Variants in RGS7BP observed in about 807,000 individuals in gnomAD.
RGS7BP encodes the protein regulator of G protein signaling 7 binding protein.
A neutral mutation model predicts 31.3 loss-of-function variants in RGS7BP; 9 were observed. The ratio of observed to expected loss-of-function variants is 0.29; its 90% CI spans 0.17 to 0.50. RGS7BP has a LOEUF of 0.50. Among genes scored for constraint, RGS7BP ranks in the 20% least tolerant of loss-of-function variants. RGS7BP has a pLI of 0.98. For missense variants in RGS7BP, 274 were observed against 322.0 expected, an observed-to-expected ratio of 0.85 and a Z score of 1.14; for synonymous variants, 115 against 120.1, an observed-to-expected ratio of 0.96 and a Z score of 0.28.
At chr5:64,556,878 G>A (rs1034797388) in intron 2 of RGS7BP, among the ~76,000 whole-genome samples, 4 of 151,860 alleles carry the variant, frequency 2.6e-5, no homozygotes, top group Non-Finnish European at 5.9e-5. Flanking sequence ...AGTGCTGAGA[G>A]AAGAAAGGCA....
chr5:64,605,300 G>C (rs1334498106), intron 5 of RGS7BP, among the ~76,000 whole-genome samples: 1 of 152,172 alleles, frequency 6.6e-6, no homozygotes, highest in Admixed American at 6.5e-5. Flanking sequence ...ATAAGTTCAA[G>C]TGGATTATTC....
chr5:64,604,834 T>C (rs1743312261), intron 5 of RGS7BP, among the ~76,000 whole-genome samples: 1 of 152,056 alleles, frequency 6.6e-6, no homozygotes. Context: ...GAGAAGTGGT[T>C]TGGGGGAATT....
At position 64,559,531 on chromosome 5, in the gene RGS7BP, A is replaced by G. The variant is rs181917840; in HGVS notation, c.333-16243A>G. Among the ~76,000 whole-genome samples the G allele has an allele frequency of 1.5e-3, 224 of 152,242 alleles. 1 individual carries two copies. The highest frequency in any genetic ancestry group is 5.1e-3 in the African/African-American group (211 of 41,556). ...CCTTCTCATCTTCAGCATTTTCTTA[A>G]ATGTAAATATCTCTGCTGGCATGTT... On this transcript the variant is annotated intron_variant, in intron 2 of 5. Transcript: ENST00000334025.
At chr5:64,550,114 T>C (rs1741754095) in intron 2 of RGS7BP, among the ~76,000 whole-genome samples, 1 of 152,198 alleles carries the variant, frequency 6.6e-6, no homozygotes, top group South Asian at 2.1e-4. Flanking sequence ...ACATTGAAAC[T>C]CTTCCAGCCT....
chr5:64,568,938 C>T (rs547606606), intron 2 of RGS7BP, among the ~76,000 whole-genome samples: 1 of 151,496 alleles, frequency 6.6e-6, no homozygotes, highest in Non-Finnish European at 1.5e-5. Context: ...CGAAGGCAAG[C>T]AAGGGACGCA....
chr5:64,598,282 C>G (rs1417894363), intron 4 of RGS7BP, 83 bp from the exon 5 acceptor site: 76 of 792,872 alleles, frequency 9.6e-5, no homozygotes, highest in Non-Finnish European at 2.9e-5. Flanking sequence ...CCTCATCTTT[C>G]AGTTGTCTCA....
intron 2 of RGS7BP, among the ~76,000 whole-genome samples, chr5:64,572,345 TA>T (rs1206960407): frequency 2.0e-5 from 3 of 152,306 alleles, no homozygotes; most frequent in Admixed American, 6.5e-5. Flanking sequence ...GTTCACTGCT[TA>T]TAACATCAGA....
In RGS7BP at chr5:64,548,205, C is replaced by T. The variant is rs373538198; in HGVS notation, c.333-27569C>T. On this transcript the variant is annotated intron_variant, in intron 2 of 5. Transcript: ENST00000334025. ...CATCAAATAATTTATTCAATTCTCA[C>T]AAGTATCATGGTAAATATATTTAGA... Among the ~76,000 whole-genome samples the T allele has an allele frequency of 2.6e-5, 4 of 152,064 alleles. No homozygotes were observed. The East Asian group carries it at 5.8e-4, about 22-fold the overall frequency.
At chr5:64,556,606 C>T (rs965156045) in intron 2 of RGS7BP, among the ~76,000 whole-genome samples, 1 of 151,932 alleles carries the variant, frequency 6.6e-6, no homozygotes, top group Non-Finnish European at 1.5e-5. Context: ...ACTTTAATGT[C>T]GCCATAATAC....
chr5:64,556,867 G>T (rs1320232813), intron 2 of RGS7BP, among the ~76,000 whole-genome samples: 1 of 151,600 alleles, frequency 6.6e-6, no homozygotes, highest in African/African-American at 2.4e-5. Context: ...AGAAAGAATA[G>T]AGTGCTGAGA....
At chr5:64,546,480 C>T (rs765394583) in intron 2 of RGS7BP, among the ~76,000 whole-genome samples, 49 of 152,146 alleles carry the variant, frequency 3.2e-4, no homozygotes, top group South Asian at 1.2e-3. Context: ...ATAAAATAGC[C>T]GAAAACAGTC....
intron 3 of RGS7BP, among the ~76,000 whole-genome samples, chr5:64,585,193 A>G (rs2111928177): frequency 6.6e-6 from 1 of 152,288 alleles, no homozygotes; most frequent in Admixed American, 6.5e-5. Context: ...GTAATGTGTC[A>G]GGAGCACAAA....
chr5:64,553,329 C>T (rs1741842167), intron 2 of RGS7BP, among the ~76,000 whole-genome samples: 1 of 151,894 alleles, frequency 6.6e-6, no homozygotes. Context: ...TGTGCCACTA[C>T]ACCCAGCTAG....
At chr5:64,566,084 C>A (rs1055991455) in intron 2 of RGS7BP, among the ~76,000 whole-genome samples, 1 of 152,160 alleles carries the variant, frequency 6.6e-6, no homozygotes, top group Non-Finnish European at 1.5e-5. Flanking sequence ...CTAAATTCAT[C>A]ATATCAACTA....
chr5:64,565,529 G>C lies in RGS7BP; in HGVS notation c.333-10245G>C, dbSNP rs765873839. 4.6e-5 allele frequency among the ~76,000 whole-genome samples: 7 copies of C among 151,842 alleles called. No individual in the cohort carries two copies. In the East Asian group the frequency reaches 5.8e-4, roughly 13 times the overall value. On this transcript the variant is annotated intron_variant, in intron 2 of 5. Transcript: ENST00000334025. Reference sequence around the variant, plus strand: ...AATAGTTTTTTTTAAAAAAAAGAAGGCTTCAGGAAAATAAACCCTCAAGAA... The same window carrying C: ...AATAGTTTTTTTTAAAAAAAAGAAGCCTTCAGGAAAATAAACCCTCAAGAA...
chr5:64,592,504 G>T, intron 3 of RGS7BP, among the ~76,000 whole-genome samples: 1 of 152,104 alleles, frequency 6.6e-6, no homozygotes, highest in East Asian at 1.9e-4. Flanking sequence ...ATAATCAAAA[G>T]TGTTGTCAAC....
chr5:64,582,736 A>G (rs1742635796), intron 3 of RGS7BP, among the ~76,000 whole-genome samples: 1 of 152,252 alleles, frequency 6.6e-6, no homozygotes, highest in Admixed American at 6.5e-5. Context: ...CACTAATGAG[A>G]AATTAATGAA....
chr5:64,606,562 A>G (rs1299035086), intron 5 of RGS7BP, among the ~76,000 whole-genome samples: 2 of 152,138 alleles, frequency 1.3e-5, no homozygotes, highest in Admixed American at 1.3e-4. Flanking sequence ...AAGTGTATTC[A>G]GAGTCCAAAG....
rs1377014666 is a variant in RGS7BP at position 64,610,824 on chromosome 5, T to A, written c.*1572T>A. 6.6e-6 allele frequency: 1 copy of A among 151,968 alleles called. No individual in the cohort carries two copies. Among genetic ancestry groups the A allele is most frequent in the Non-Finnish European group, 1.5e-5 (1 of 67,920 alleles). 9.4% of individuals were successfully genotyped at this position (151,968 alleles called of 1,614,324 possible). On this transcript the variant is annotated 3_prime_UTR_variant, in exon 6 of 6. Coordinates refer to ENST00000334025, the MANE Select transcript of RGS7BP (RefSeq NM_001029875.3). ...ACCCTAATATCCAATGTGGAAATTA[T>A]ACTTGGAATTGTCTTCTAGCTCTTT... is the stretch of plus-strand genomic sequence containing the variant.
Sources: allele counts gnomAD v4.1 joint callset (sites outside exome capture counted in the v4.1 genomes callset), GRCh38; gene constraint gnomAD v4.1.1; transcripts MANE v1.5; gene names NCBI Gene and HGNC (gene_info 2026-07-23, HGNC 2026-07-21).